The following TMEM135 variants were observed in gnomAD, a reference collection of about 807,000 sequenced individuals.
TMEM135 encodes peroxisomal membrane protein 52.
In TMEM135, 30 loss-of-function variants were observed where a neutral mutation model predicts 60.3. The ratio of observed to expected loss-of-function variants is 0.50; its 90% CI spans 0.37 to 0.68. The LOEUF is 0.68. TMEM135 is among the 30% of genes least tolerant of loss of function. TMEM135 has a pLI of 0.00. For synonymous variants in TMEM135, 190 were observed against 186.7 expected, an observed-to-expected ratio of 1.02 and a Z score of -0.14; for missense variants, 468 against 548.8, an observed-to-expected ratio of 0.85 and a Z score of 1.47.
In TMEM135 at chr11:87,323,034, A is replaced by G; in HGVS notation, c.*1701A>G. 6.6e-6 allele frequency: 3 copies of G among 454,320 alleles called. No homozygotes were observed. Among genetic ancestry groups the G allele is most frequent in the Non-Finnish European group, 1.3e-5 (3 of 226,700 alleles). The allele number at this position is 454,320 out of a possible 1,614,324, so 28.1% of individuals were successfully genotyped here. On this transcript the variant is annotated 3_prime_UTR_variant, in exon 15 of 15. Transcript: ENST00000305494. The stretch of plus-strand genomic sequence containing the variant: ...ACTAAAGCCCTGAGAACTGCACCTC[A>G]TTTTCTTTATCCAGAAATTGTGCTT...
chr11:87,167,438 G>T (rs1365220658), intron 5 of TMEM135, among the ~76,000 whole-genome samples: 2 of 152,150 alleles, frequency 1.3e-5, no homozygotes, highest in African/African-American at 4.8e-5. Context: ...GATATTGTCT[G>T]TGGGTTTGTC....
chr11:87,056,291 G>T (rs73523148), intron 1 of TMEM135, among the ~76,000 whole-genome samples: 1 of 152,136 alleles, frequency 6.6e-6, no homozygotes, highest in Non-Finnish European at 1.5e-5. Context: ...AGCCCAGCAG[G>T]TCTCAGCCTC....
chr11:87,288,964 G>T (rs1327279591), intron 6 of TMEM135, among the ~76,000 whole-genome samples: 2 of 152,138 alleles, frequency 1.3e-5, no homozygotes, highest in African/African-American at 2.4e-5. Flanking sequence ...ATCTTGGGGG[G>T]TGAGGAGGAA....
At chr11:87,108,316 T>C (rs997133425) in intron 4 of TMEM135, among the ~76,000 whole-genome samples, 1 of 152,174 alleles carries the variant, frequency 6.6e-6, no homozygotes, top group Non-Finnish European at 1.5e-5. Context: ...CTTTTGGTGT[T>C]TTAGACATGA....
At chr11:87,066,796 T>G (rs1312995741) in intron 1 of TMEM135, among the ~76,000 whole-genome samples, 9 of 150,050 alleles carry the variant, frequency 6.0e-5, no homozygotes, top group Non-Finnish European at 7.4e-5. Flanking sequence ...TTTTTTTTTT[T>G]TTTGAGACAG....
intron 4 of TMEM135, among the ~76,000 whole-genome samples, chr11:87,122,193 T>A (rs544199444): frequency 4.6e-5 from 7 of 152,120 alleles, no homozygotes; most frequent in African/African-American, 1.7e-4. Flanking sequence ...AAATTAATAG[T>A]TTTATTCCAC....
chr11:87,178,426 T>C (rs1939435728), intron 5 of TMEM135: 1 of 456,106 alleles, frequency 2.2e-6, no homozygotes. Context: ...TGCCTTCCTT[T>C]CCTTAACATA....
At chr11:87,047,454 T>C (rs1011778378) in intron 1 of TMEM135, among the ~76,000 whole-genome samples, 9 of 151,072 alleles carry the variant, frequency 6.0e-5, no homozygotes, top group Admixed American at 3.3e-4. Context: ...GGCCAGTGTG[T>C]GCGCGCACCG....
intron 4 of TMEM135, among the ~76,000 whole-genome samples, chr11:87,128,045 G>C (rs1937787613): frequency 6.6e-6 from 1 of 152,010 alleles, no homozygotes; most frequent in Non-Finnish European, 1.5e-5. Flanking sequence ...ATCTTACTTT[G>C]GCTTTTTTTG....
chr11:87,180,785 A>G (rs889579510), intron 5 of TMEM135, among the ~76,000 whole-genome samples: 5 of 152,192 alleles, frequency 3.3e-5, no homozygotes, highest in Non-Finnish European at 5.9e-5. Flanking sequence ...TGTCAACAAC[A>G]ACAAAAATAT....
At chr11:87,090,193 T>G (rs1857177680) in intron 3 of TMEM135, among the ~76,000 whole-genome samples, 1 of 152,112 alleles carries the variant, frequency 6.6e-6, no homozygotes, top group Non-Finnish European at 1.5e-5. Context: ...ATTTTATATA[T>G]TGGTGATAAT....
chr11:87,071,710 A>T, intron 3 of TMEM135, 95 bp downstream of exon 3: 1 of 771,020 alleles, frequency 1.3e-6, no homozygotes, highest in Non-Finnish European at 2.1e-6. Flanking sequence ...CAGGGATGAG[A>T]AATATTTCTA....
intron 4 of TMEM135, among the ~76,000 whole-genome samples, chr11:87,096,912 A>G (rs1857343017): frequency 6.6e-6 from 1 of 151,704 alleles, no homozygotes; most frequent in Admixed American, 6.6e-5. Context: ...ATGTATCTAT[A>G]TATCATTATG....
intron 4 of TMEM135, among the ~76,000 whole-genome samples, chr11:87,155,287 C>T (rs1345398375): frequency 6.6e-6 from 1 of 152,246 alleles, no homozygotes; most frequent in African/African-American, 2.4e-5. Flanking sequence ...GCGTGAGCCG[C>T]CATGCCCAGA....
intron 4 of TMEM135, among the ~76,000 whole-genome samples, chr11:87,138,548 G>A (rs1367909901): frequency 2.6e-5 from 4 of 151,964 alleles, no homozygotes; most frequent in Non-Finnish European, 4.4e-5. Flanking sequence ...TCCAAACAAT[G>A]ACTTACTCAT....
At chr11:87,200,919 C>T (rs922669015) in intron 5 of TMEM135, among the ~76,000 whole-genome samples, 26 of 152,230 alleles carry the variant, frequency 1.7e-4, no homozygotes, top group African/African-American at 6.0e-4. Context: ...GTATTTAAGA[C>T]ATTTAAATAT....
intron 6 of TMEM135, among the ~76,000 whole-genome samples, chr11:87,283,614 C>G (rs1942109042): frequency 6.6e-6 from 1 of 152,160 alleles, no homozygotes; most frequent in South Asian, 2.1e-4. Context: ...AATGCCAGCA[C>G]TTTGGGAGGC....
chr11:87,144,974 ACT>A (rs1230234941), intron 4 of TMEM135, among the ~76,000 whole-genome samples: 2 of 151,944 alleles, frequency 1.3e-5, no homozygotes, highest in African/African-American at 2.4e-5. Flanking sequence ...TTTGAAATTT[ACT>A]CTGTTAGCAA....
intron 5 of TMEM135, among the ~76,000 whole-genome samples, chr11:87,199,362 A>C (rs1425010187): frequency 6.6e-6 from 1 of 152,210 alleles, no homozygotes; most frequent in Non-Finnish European, 1.5e-5. Flanking sequence ...GTCAAAAACT[A>C]ATCAAGTGCA....
Sources: allele counts gnomAD v4.1 joint callset (sites outside exome capture counted in the v4.1 genomes callset), GRCh38; gene constraint gnomAD v4.1.1; transcripts MANE v1.5; gene names NCBI Gene and HGNC (gene_info 2026-07-23, HGNC 2026-07-21).